PBRM1: variants seen among roughly 807,000 people sequenced by gnomAD.
PBRM1 encodes the protein polybromo 1, also known as protein polybromo-1.
A neutral mutation model predicts 194.5 loss-of-function variants in PBRM1; 27 were observed. The observed-to-expected ratio is 0.14, with a 90% CI of 0.10 to 0.19. The LOEUF is 0.19. PBRM1 is among the 10% of genes least tolerant of loss of function. PBRM1 has a pLI of 1.00. For synonymous variants in PBRM1, 655 were observed against 693.2 expected (o/e 0.94, Z 0.87); for missense variants, 1,466 against 2,077.2 (o/e 0.71, Z 5.72).
At chr3:52,663,023 A>C (rs1443336547) in intron 3 of PBRM1, among the ~76,000 whole-genome samples, 2 of 152,142 alleles carry the variant, frequency 1.3e-5, no homozygotes, top group East Asian at 3.8e-4. Flanking sequence ...GGCATAATAA[A>C]CTCTTGACTG....
At chr3:52,654,758 T>C (rs2096575043) in intron 5 of PBRM1, among the ~76,000 whole-genome samples, 1 of 152,144 alleles carries the variant, frequency 6.6e-6, no homozygotes, top group South Asian at 2.1e-4. Context: ...TTTGTGTGTA[T>C]GTGTGCATGT....
intron 7 of PBRM1, among the ~76,000 whole-genome samples, chr3:52,646,365 T>A (rs1408836377): frequency 6.6e-6 from 1 of 152,208 alleles, no homozygotes; most frequent in Non-Finnish European, 1.5e-5. Flanking sequence ...TACAAGCAAT[T>A]ATTCATTACA....
intron 29 of PBRM1, among the ~76,000 whole-genome samples, 168 bp from the exon 32 acceptor site, chr3:52,548,403 C>T (rs1357115225): frequency 6.6e-6 from 1 of 151,680 alleles, no homozygotes; most frequent in African/African-American, 2.4e-5. Context: ...TATCATTTTA[C>T]TAGGCACTAA....
intron 17 of PBRM1, among the ~76,000 whole-genome samples, chr3:52,590,388 G>C (rs2092917119): frequency 1.3e-5 from 2 of 151,816 alleles, no homozygotes; most frequent in Non-Finnish European, 2.9e-5. Context: ...CCTGGGAGGT[G>C]AATGTTGTAG....
intron 3 of PBRM1, among the ~76,000 whole-genome samples, chr3:52,665,946 G>C (rs188723795): frequency 1.1e-4 from 16 of 152,266 alleles, no homozygotes; most frequent in Admixed American, 3.3e-4. Flanking sequence ...TTAAGATCCT[G>C]ATTAGCTTCT....
intron 25 of PBRM1, among the ~76,000 whole-genome samples, chr3:52,559,893 T>C (rs2083086032): frequency 6.7e-6 from 1 of 149,570 alleles, no homozygotes; most frequent in African/African-American, 2.5e-5. Context: ...CAAATTCTAG[T>C]ATTTTCATTA....
At chr3:52,653,604 G>A (rs1227365114) in intron 5 of PBRM1, among the ~76,000 whole-genome samples, 2 of 143,770 alleles carry the variant, frequency 1.4e-5, no homozygotes, top group East Asian at 2.1e-4. Flanking sequence ...AAAAAAAAAA[G>A]AAAGAAAGAA....
chr3:52,594,131 C>T (rs1292318275), intron 17 of PBRM1, among the ~76,000 whole-genome samples: 2 of 152,292 alleles, frequency 1.3e-5, no homozygotes, highest in South Asian at 2.1e-4. Context: ...ATCCTCCTGT[C>T]TTGGCCTCCC....
At chr3:52,563,521 A>G in intron 23 of PBRM1, 28 bp from the exon 26 acceptor site, 1 of 1,494,228 alleles carries the variant, frequency 6.7e-7, no homozygotes, top group Non-Finnish European at 9.3e-7. Flanking sequence ...AAAAACCTAA[A>G]ATCACCTAAT....
intron 17 of PBRM1, among the ~76,000 whole-genome samples, chr3:52,589,457 C>T (rs2092790464): frequency 6.6e-6 from 1 of 152,148 alleles, no homozygotes; most frequent in African/African-American, 2.4e-5. Context: ...TGAATTACAA[C>T]CATCATTAAT....
chr3:52,679,493 T>A, intron 1 of PBRM1, 81 bp downstream of exon 2: 1 of 1,299,658 alleles, frequency 7.7e-7, no homozygotes, highest in Non-Finnish European at 1.1e-6. Flanking sequence ...ATGCCTTGCA[T>A]CGTAACAATT....
At position 52,551,885 on chromosome 3, in the gene PBRM1, G is replaced by A. The variant is rs1388560513; in HGVS notation, c.4610-1068C>T. On this transcript the variant is annotated intron_variant, in intron 27 of 29. Transcript: ENST00000296302. ...TTTCATGAATTTGCATGTCATCCTT[G>A]TGCCATGCTCAACTCCATATTGTTC... 2.0e-4 allele frequency: 31 copies of A among 152,164 alleles called. 1 individual carries two copies. The highest frequency in any genetic ancestry group is 2.0e-3 in the Admixed American group (31 of 15,268). The allele number at this position is 152,164 out of a possible 1,614,324, so 9.4% of individuals were successfully genotyped here.
intron 25 of PBRM1, among the ~76,000 whole-genome samples, 192 bp from the exon 28 acceptor site, chr3:52,558,605 T>G (rs150105843): frequency 3.3e-4 from 50 of 152,270 alleles, no homozygotes; most frequent in Non-Finnish European, 6.3e-4. Context: ...AGCTTTCCTA[T>G]CCCATCTTGA....
At chr3:52,634,403 C>G (rs540568483) in intron 11 of PBRM1, among the ~76,000 whole-genome samples, 199 bp downstream of exon 12, 1 of 144,250 alleles carries the variant, frequency 6.9e-6, no homozygotes, top group African/African-American at 2.6e-5. Context: ...CGCCACTGCA[C>G]TCCAGTCTGG....
At chr3:52,613,398 T>C (rs2094759983) in intron 15 of PBRM1, among the ~76,000 whole-genome samples, 1 of 151,128 alleles carries the variant, frequency 6.6e-6, no homozygotes, top group African/African-American at 2.4e-5. Flanking sequence ...GCAGTGGGCA[T>C]GATCAGGGTT....
chr3:52,546,886 T>C, downstream of PBRM1: 1 of 233,208 alleles, frequency 4.3e-6, no homozygotes, highest in East Asian at 6.1e-5. Flanking sequence ...TAAAAAATAT[T>C]TTAGAAAGTA....
chr3:52,570,722 A>C (rs1288744458), intron 22 of PBRM1, among the ~76,000 whole-genome samples: 1 of 152,186 alleles, frequency 6.6e-6, no homozygotes, highest in East Asian at 1.9e-4. Context: ...CCAATAGATC[A>C]ATTTGGGGGG....
chr3:52,683,853 A>AAAAAAAAC, upstream of PBRM1, among the ~76,000 whole-genome samples: 1 of 151,510 alleles, frequency 6.6e-6, no homozygotes, highest in African/African-American at 2.4e-5. Flanking sequence ...GAGACCTTCA[A>AAAAAAAAC]AAAAAAAAGT....
chr3:52,571,070 A>G (rs2086959917), intron 22 of PBRM1, among the ~76,000 whole-genome samples: 1 of 152,052 alleles, frequency 6.6e-6, no homozygotes, highest in African/African-American at 2.4e-5. Flanking sequence ...CATGCCTGTA[A>G]TCTCAGCACT....
Sources: gnomAD v4.1 joint callset for allele counts (sites outside exome capture counted in the v4.1 genomes callset) on GRCh38, gnomAD v4.1.1 for gene constraint, MANE v1.5 for transcripts, NCBI Gene and HGNC (gene_info 2026-07-23, HGNC 2026-07-21) for gene names.